Variants in STK32B observed in about 807,000 individuals in gnomAD.
STK32B encodes serine/threonine kinase 32B, also known as serine/threonine-protein kinase 32B.
Under a neutral mutation model 52.6 loss-of-function variants are expected in STK32B, and 43 were observed. The ratio of observed to expected loss-of-function variants is 0.82; its 90% CI spans 0.64 to 1.05. The LOEUF is 1.05. STK32B is among the 50% of genes least tolerant of loss of function. The probability of loss-of-function intolerance (pLI) is 0.00; values close to 1 mark genes in which losing one functional copy is unlikely to be tolerated. For synonymous variants in STK32B, 238 were observed against 204.3 expected, an observed-to-expected ratio of 1.17 and a Z score of -1.41; for missense variants, 621 against 534.6, an observed-to-expected ratio of 1.16 and a Z score of -1.59.
At chr4:5,081,034 G>A (rs993711481) in intron 1 of STK32B, among the ~76,000 whole-genome samples, 1 of 152,166 alleles carries the variant, frequency 6.6e-6, no homozygotes, top group African/African-American at 2.4e-5. Context: ...TCACATATAA[G>A]TGAGATCATG....
At chr4:5,290,205 A>G (rs1016097862) in intron 3 of STK32B, among the ~76,000 whole-genome samples, 27 of 152,142 alleles carry the variant, frequency 1.8e-4, no homozygotes. Flanking sequence ...CCCTAAATTT[A>G]TTTTAAAATG....
At chr4:5,161,046 A>G (rs1224632029) in intron 2 of STK32B, among the ~76,000 whole-genome samples, 1 of 152,198 alleles carries the variant, frequency 6.6e-6, no homozygotes, top group Non-Finnish European at 1.5e-5. Context: ...TCCACAGTGA[A>G]GGACTTTGGC....
At chr4:5,407,435 G>A (rs195117) in intron 5 of STK32B, among the ~76,000 whole-genome samples, 120,292 of 152,020 alleles carry the variant, frequency 0.79, 47,794 homozygotes, top group Middle Eastern at 0.92. Context: ...CTTTATAGCA[G>A]TGTCCCACTA....
chr4:5,254,693 C>T (rs760437880), intron 3 of STK32B, among the ~76,000 whole-genome samples: 3 of 151,942 alleles, frequency 2.0e-5, no homozygotes, highest in Non-Finnish European at 2.9e-5. Context: ...TTATTGAGTT[C>T]CAGCTTAATT....
chr4:5,350,851 A>G (rs1185589508), intron 4 of STK32B, among the ~76,000 whole-genome samples: 2 of 152,128 alleles, frequency 1.3e-5, no homozygotes, highest in Non-Finnish European at 2.9e-5. Flanking sequence ...ACTATATCAG[A>G]TAAAATAGAC....
chr4:5,275,529 C>T (rs1026053121), intron 3 of STK32B, among the ~76,000 whole-genome samples: 2 of 152,026 alleles, frequency 1.3e-5, no homozygotes, highest in Non-Finnish European at 2.9e-5. Context: ...CGTTTCCCGT[C>T]TTCACCATCC....
chr4:5,138,038 A>G (rs1560170986), intron 1 of STK32B, among the ~76,000 whole-genome samples: 1 of 152,216 alleles, frequency 6.6e-6, no homozygotes, highest in Non-Finnish European at 1.5e-5. Flanking sequence ...GCTGCTGGTT[A>G]CATAACAAGC....
intron 6 of STK32B, chr4:5,435,815 G>A (rs1257622767): frequency 6.6e-6 from 1 of 152,402 alleles, no homozygotes; most frequent in Non-Finnish European, 1.5e-5. Context: ...GAAGAGCATG[G>A]GGGAAATGAG....
chr4:5,415,373 A>G (rs1712073157), intron 5 of STK32B, among the ~76,000 whole-genome samples: 1 of 152,118 alleles, frequency 6.6e-6, no homozygotes, highest in South Asian at 2.1e-4. Context: ...TTATACAGCT[A>G]CTCCCAACAA....
chr4:5,486,250 C>T (rs926473632), intron 11 of STK32B, among the ~76,000 whole-genome samples: 2 of 152,190 alleles, frequency 1.3e-5, no homozygotes, highest in African/African-American at 2.4e-5. Context: ...TCGAGCTTCC[C>T]AGCCTCTTTG....
intron 1 of STK32B, among the ~76,000 whole-genome samples, chr4:5,052,775 C>T (rs751391371): frequency 5.9e-5 from 9 of 152,110 alleles, no homozygotes; most frequent in Non-Finnish European, 1.2e-4. Flanking sequence ...TGTTAAGAGC[C>T]CTCTGCCTCT....
chr4:5,075,929 C>G (rs1187235059), intron 1 of STK32B, among the ~76,000 whole-genome samples: 1 of 152,150 alleles, frequency 6.6e-6, no homozygotes, highest in Non-Finnish European at 1.5e-5. Flanking sequence ...GCATAACATA[C>G]CAGCCCAAAA....
chr4:5,153,046 G>A lies in STK32B; in HGVS notation c.108+13086G>A, dbSNP rs567062716. 2.3e-4 allele frequency among the ~76,000 whole-genome samples: 35 copies of A among 152,278 alleles called. No individual in the cohort carries two copies. The South Asian group carries it at 6.9e-3, about 30-fold the overall frequency. On this transcript the variant is annotated intron_variant, in intron 2 of 11. Coordinates refer to ENST00000282908, the MANE Select transcript of STK32B (RefSeq NM_018401.3). Reference sequence around the variant, plus strand: ...CCCGTTTTACAAATGATGAATCCGCGTCCTGGAGAGGACCCCACTGCCATG... The same window carrying A: ...CCCGTTTTACAAATGATGAATCCGCATCCTGGAGAGGACCCCACTGCCATG...
chr4:5,051,195 C>G (rs1741757593), upstream of STK32B, among the ~76,000 whole-genome samples: 1 of 152,148 alleles, frequency 6.6e-6, no homozygotes, highest in South Asian at 2.1e-4. Context: ...AAGAGCCCCT[C>G]TACCTCTAGA....
chr4:5,446,055 A>T (rs195128), intron 6 of STK32B, among the ~76,000 whole-genome samples: 1 of 152,178 alleles, frequency 6.6e-6, no homozygotes, highest in Admixed American at 6.5e-5. Context: ...CAGCAAACAT[A>T]CTCCACCAAT....
intron 3 of STK32B, among the ~76,000 whole-genome samples, chr4:5,234,742 A>G (rs886500069): frequency 1.3e-5 from 2 of 152,278 alleles, no homozygotes; most frequent in Non-Finnish European, 2.9e-5. Flanking sequence ...GGATATTCCT[A>G]TCATCTTTGA....
intron 4 of STK32B, among the ~76,000 whole-genome samples, chr4:5,339,491 G>A (rs542199313): frequency 1.3e-5 from 2 of 152,224 alleles, no homozygotes; most frequent in East Asian, 1.9e-4. Context: ...ACACAACCAT[G>A]TGTAAGGATG....
At chr4:5,176,247 C>G (rs1409098858) in intron 3 of STK32B, among the ~76,000 whole-genome samples, 1 of 152,136 alleles carries the variant, frequency 6.6e-6, no homozygotes, top group African/African-American at 2.4e-5. Context: ...CGTTGCACTT[C>G]CCAGGTGAGG....
chr4:5,219,612 G>A (rs1723396788), intron 3 of STK32B, among the ~76,000 whole-genome samples: 1 of 152,342 alleles, frequency 6.6e-6, no homozygotes, highest in South Asian at 2.1e-4. Context: ...GATCCTCTGG[G>A]TGCCCTCCTC....
Sources: allele counts gnomAD v4.1 joint callset (sites outside exome capture counted in the v4.1 genomes callset), GRCh38; gene constraint gnomAD v4.1.1; transcripts MANE v1.5; gene names NCBI Gene and HGNC (gene_info 2026-07-23, HGNC 2026-07-21).